RCC1L: variants seen among roughly 807,000 people sequenced by gnomAD.
RCC1L encodes RCC1-like G exchanging factor-like protein.
Under a neutral mutation model 58.6 loss-of-function variants are expected in RCC1L, and 46 were observed. The ratio of observed to expected loss-of-function variants is 0.79; its 90% CI spans 0.62 to 1.00. RCC1L has a LOEUF of 1.00. RCC1L is among the 50% of genes least tolerant of loss of function. The pLI is 0.00. For synonymous variants in RCC1L, 281 were observed against 262.9 expected, an observed-to-expected ratio of 1.07 and a Z score of -0.67; for missense variants, 636 against 623.6, an observed-to-expected ratio of 1.02 and a Z score of -0.21.
At position 75,042,436 on chromosome 7, in the gene RCC1L, T is replaced by A; in HGVS notation, c.*596A>T. On this transcript the variant is annotated 3_prime_UTR_variant, in exon 11 of 11. Transcript: ENST00000610322. ...CCAGGCAGTGAGCGTGGTGGGAGGC[T>A]GGGGCTGGTGCCTGCGGACAGCTCC... 2.0e-6 allele frequency: 2 copies of A among 986,508 alleles called. No individual in the cohort carries two copies. Among genetic ancestry groups the A allele is most frequent in the Non-Finnish European group, 2.4e-6 (2 of 830,664 alleles). The allele number at this position is 986,508 out of a possible 1,614,324, so 61.1% of individuals were successfully genotyped here.
intron 5 of RCC1L, among the ~76,000 whole-genome samples, chr7:75,061,829 C>T (rs1245669149): frequency 1.3e-5 from 2 of 152,180 alleles, no homozygotes; most frequent in Non-Finnish European, 2.9e-5. Flanking sequence ...AAGAAAAGCA[C>T]CATCTATTGA....
chr7:75,063,418 C>T (rs899000654), intron 4 of RCC1L, 75 bp from the exon 5 acceptor site: 1 of 1,489,924 alleles, frequency 6.7e-7, no homozygotes, highest in Non-Finnish European at 9.4e-7. Flanking sequence ...TTCCCTGTCA[C>T]CCCAACTGAT....
chr7:75,032,721 G>T (rs1487862132), intron 10 of RCC1L, among the ~76,000 whole-genome samples: 1 of 152,148 alleles, frequency 6.6e-6, no homozygotes, highest in Non-Finnish European at 1.5e-5. Flanking sequence ...TCTAGCTGCT[G>T]AGAAGCTTTT....
intron 2 of RCC1L, among the ~76,000 whole-genome samples, chr7:75,068,979 C>T (rs1554445623): frequency 6.6e-6 from 1 of 151,974 alleles, no homozygotes; most frequent in African/African-American, 2.4e-5. Context: ...AGCGATTCTC[C>T]TGCCCCAGCC....
chr7:75,055,252 A>G (rs1225301981), intron 9 of RCC1L, among the ~76,000 whole-genome samples: 1 of 152,182 alleles, frequency 6.6e-6, no homozygotes, highest in African/African-American at 2.4e-5. Flanking sequence ...AATTGAACCC[A>G]CGGTAACTGT....
chr7:75,068,642 T>C (rs1428980484), intron 2 of RCC1L, among the ~76,000 whole-genome samples: 1 of 148,328 alleles, frequency 6.7e-6, no homozygotes, highest in African/African-American at 2.5e-5. Context: ...GCTGAGATCA[T>C]GCCACTGCAC....
At position 75,072,871 on chromosome 7, in the gene RCC1L, T is replaced by A. The variant is rs587726279; in HGVS notation, c.324+543A>T. ...AGGACGATCTCTTGAGCCCAGGAGGTCGAGGCTGCAGTGAGCTATGATGAC... is the reference window on the plus strand; with the variant it reads ...AGGACGATCTCTTGAGCCCAGGAGGACGAGGCTGCAGTGAGCTATGATGAC... On this transcript the variant is annotated intron_variant, in intron 1 of 10. Transcript: ENST00000610322. Among the ~76,000 whole-genome samples, 3 of 152,068 alleles carry A rather than the reference T, an allele frequency of 2.0e-5. No homozygotes were observed. The South Asian group carries it at 6.2e-4, about 32-fold the overall frequency.
intron 10 of RCC1L, among the ~76,000 whole-genome samples, chr7:75,051,355 C>CACACATATATATATACACACAT (rs1805908855): frequency 3.3e-5 from 5 of 149,492 alleles, no homozygotes; most frequent in African/African-American, 7.4e-5. Context: ...TACACACACA[C>CACACATATATATATACACACAT]ATATATATAC....
Position 75,027,805 on chromosome 7 carries a change from G to T in RCC1L, c.*227C>A, listed in dbSNP as rs981556076. 5.6e-4 allele frequency: 335 copies of T among 603,550 alleles called. 1 individual carries two copies. Among genetic ancestry groups the T allele is most frequent in the Non-Finnish European group, 8.8e-4 (298 of 339,048 alleles). 37.4% of individuals were successfully genotyped at this position (603,550 alleles called of 1,614,324 possible). On this transcript the variant is annotated 3_prime_UTR_variant, in exon 11 of 11. Transcript: ENST00000614461. ...TTATCTTCTCGGCGTTCTGTGTGTAGCGTAGTCTTGGTTTGGTCTCCACAG... is the reference window on the plus strand; with the variant it reads ...TTATCTTCTCGGCGTTCTGTGTGTATCGTAGTCTTGGTTTGGTCTCCACAG...
At chr7:75,062,903 A>G (rs1806321428) in intron 5 of RCC1L, among the ~76,000 whole-genome samples, 1 of 152,130 alleles carries the variant, frequency 6.6e-6, no homozygotes, top group Admixed American at 6.6e-5. Context: ...GGTTCAAGCA[A>G]TTCCTGTGCC....
chr7:75,049,987 G>C (rs1410523003), intron 10 of RCC1L, among the ~76,000 whole-genome samples: 1 of 152,212 alleles, frequency 6.6e-6, no homozygotes, highest in Non-Finnish European at 1.5e-5. Context: ...AGAGGACAGG[G>C]GTCGAGGCCA....
chr7:75,039,223 G>C (rs1308248342), downstream of RCC1L, among the ~76,000 whole-genome samples: 1 of 152,218 alleles, frequency 6.6e-6, no homozygotes, highest in Non-Finnish European at 1.5e-5. Flanking sequence ...TGGAAGGCGA[G>C]AGAAATGTGG....
Position 75,057,524 on chromosome 7 carries a change from C to G in RCC1L, c.1057+5G>C. On this transcript the variant is annotated splice_donor_5th_base_variant and intron_variant, in intron 8 of 10. Transcript: ENST00000610322. ...CCCAATGAGCCACCGGAAAGAAGGT[C>G]TCACCGTTTAACACTGCACAGCCCG... The G allele has an allele frequency of 3.1e-6, 5 of 1,613,906 alleles. No individual in the cohort carries two copies. In the East Asian group the frequency reaches 1.1e-4, roughly 36 times the overall value.
At chr7:75,053,791 A>G (rs1805991994) in intron 9 of RCC1L, among the ~76,000 whole-genome samples, 4 of 152,140 alleles carry the variant, frequency 2.6e-5, no homozygotes, top group Non-Finnish European at 5.9e-5. Context: ...AAAAGCCAGG[A>G]CTACAAGACC....
intron 10 of RCC1L, among the ~76,000 whole-genome samples, chr7:75,035,239 C>T (rs1805410891): frequency 6.6e-6 from 1 of 152,086 alleles, no homozygotes; most frequent in South Asian, 2.1e-4. Flanking sequence ...CCATATTGGC[C>T]AGGCTGGTCT....
At chr7:75,031,561 T>C (rs1310810430) in intron 10 of RCC1L, among the ~76,000 whole-genome samples, 2 of 151,434 alleles carry the variant, frequency 1.3e-5, no homozygotes, top group Non-Finnish European at 2.9e-5. Context: ...GGTTTTTTGC[T>C]GATCTAGCCA....
chr7:75,049,687 T>TG (rs1355236509), intron 10 of RCC1L, among the ~76,000 whole-genome samples: 28 of 148,710 alleles, frequency 1.9e-4, no homozygotes, highest in Non-Finnish European at 1.0e-4. Context: ...AAAAAAATCC[T>TG]GGGCAACACG....
downstream of RCC1L, among the ~76,000 whole-genome samples, chr7:75,041,927 C>CTATTT (rs1805579949): frequency 6.7e-6 from 1 of 149,204 alleles, no homozygotes; most frequent in Admixed American, 6.7e-5. Context: ...GTCTTCTAAA[C>CTATTT]TATTTTTCAG....
downstream of RCC1L, among the ~76,000 whole-genome samples, chr7:75,040,552 C>T (rs1023802335): frequency 6.6e-6 from 1 of 152,084 alleles, no homozygotes; most frequent in Admixed American, 6.6e-5. Flanking sequence ...TCCAGAGACC[C>T]TCCATCCCCC....
Sources: gnomAD v4.1 joint callset for allele counts (sites outside exome capture counted in the v4.1 genomes callset) on GRCh38, gnomAD v4.1.1 for gene constraint, MANE v1.5 for transcripts, NCBI Gene and HGNC (gene_info 2026-07-23, HGNC 2026-07-21) for gene names.